The following TVP23C variants were observed in gnomAD, a reference collection of about 807,000 sequenced individuals.
TVP23C encodes the protein Golgi apparatus membrane protein TVP23 homolog C.
A neutral mutation model predicts 28.7 loss-of-function variants in TVP23C; 19 were observed. The observed-to-expected ratio is 0.66, with a 90% CI of 0.46 to 0.97. The LOEUF (loss-of-function observed/expected upper bound fraction) is 0.97. TVP23C is among the 50% of genes least tolerant of loss of function. TVP23C has a pLI of 0.00. For synonymous variants in TVP23C, 68 were observed against 81.7 expected (o/e 0.83, Z 0.90); for missense variants, 186 against 241.3 (o/e 0.77, Z 1.52).
intron 5 of TVP23C, among the ~76,000 whole-genome samples, chr17:15,528,009 A>G (rs1982797751): frequency 6.6e-6 from 1 of 152,182 alleles, no homozygotes; most frequent in Non-Finnish European, 1.5e-5. Context: ...CTTTTCTTTC[A>G]ATCTGATTCC....
At chr17:15,502,827 TCTC>T in exon 6 of TVP23C, 1 of 1,533,722 alleles carries the variant, frequency 6.5e-7, no homozygotes, top group Non-Finnish European at 8.8e-7. Context: ...TCTCTCTCTC[TCTC>T]TCCTGCGAGG....
intron 4 of TVP23C, among the ~76,000 whole-genome samples, chr17:15,546,467 T>C (rs1983651959): frequency 6.6e-6 from 1 of 151,984 alleles, no homozygotes; most frequent in Non-Finnish European, 1.5e-5. Flanking sequence ...TTAAAATAAC[T>C]TGTCAATACC....
chr17:15,534,862 G>A (rs912117150), downstream of TVP23C, among the ~76,000 whole-genome samples: 2 of 151,766 alleles, frequency 1.3e-5, no homozygotes, highest in African/African-American at 4.9e-5. Context: ...CAGCTACTTG[G>A]GAGACTGAGG....
rs1389269725 is a variant in TVP23C, at chr17:15,538,333, G to A, written c.*2079C>T. The A allele has an allele frequency of 1.2e-5, 11 of 946,794 alleles. No homozygotes were observed. Among genetic ancestry groups the A allele is most frequent in the Non-Finnish European group, 1.4e-5 (11 of 795,100 alleles). The allele number at this position is 946,794 out of a possible 1,614,324, so 58.6% of individuals were successfully genotyped here. On this transcript the variant is annotated 3_prime_UTR_variant, in exon 6 of 6. Coordinates refer to ENST00000518321, the MANE Select transcript of TVP23C (RefSeq NM_001135036.2). The stretch of plus-strand genomic sequence containing the variant: ...AGGCTGGGCGCCGTGGCTTACACCT[G>A]TAATCCCAGCACTTTGGGAGGCCGA...
At chr17:15,504,605 C>T (rs1383851756) in intron 5 of TVP23C, among the ~76,000 whole-genome samples, 2 of 152,056 alleles carry the variant, frequency 1.3e-5, no homozygotes, top group Non-Finnish European at 2.9e-5. Flanking sequence ...TGCTTTGGCC[C>T]AGGCTAGAGT....
chr17:15,519,736 C>T (rs941343531), intron 5 of TVP23C, among the ~76,000 whole-genome samples: 1 of 151,968 alleles, frequency 6.6e-6, no homozygotes, highest in Non-Finnish European at 1.5e-5. Context: ...TGGTGAAGCC[C>T]TGTATCTACT....
In TVP23C at chr17:15,545,901, T is replaced by C; in HGVS notation, c.346A>G (p.Asn116Asp). The C allele has an allele frequency of 2.5e-6, 4 of 1,613,852 alleles. No individual in the cohort carries two copies. The highest frequency in any genetic ancestry group is 1.7e-4 in the Middle Eastern group (1 of 6,060). Residue 116 changes from asparagine to aspartate, a missense_variant, in exon 5 of 6, where the codon AAT becomes GAT. Coordinates refer to ENST00000518321, the MANE Select transcript of TVP23C (RefSeq NM_001135036.2). ...FESRKESSQE[N>D]KTVSEAESRI... Reference sequence around the variant, plus strand: ...GATTCAGCCTCTGACACAGTTTTATTCTCTTGAGAGGACTCCTATAAAAGA... The same window carrying C: ...GATTCAGCCTCTGACACAGTTTTATCCTCTTGAGAGGACTCCTATAAAAGA...
intron 5 of TVP23C, chr17:15,506,950 A>T (rs892660497): frequency 1.7e-6 from 2 of 1,210,940 alleles, no homozygotes; most frequent in Non-Finnish European, 2.4e-6. Context: ...TGCAAACAAG[A>T]TTCCAAAGAC....
exon 6 of TVP23C, chr17:15,503,041 C>T (rs150726968): frequency 1.2e-6 from 2 of 1,613,942 alleles, no homozygotes; most frequent in Non-Finnish European, 1.7e-6. Flanking sequence ...TAAGGCGGGG[C>T]GCAGGTTTCC....
Position 15,539,189 on chromosome 17 carries a change from G to T in TVP23C, c.*1223C>A. ...CTACTGAATAAGGAGTCTGGAGGTG[G>T]AACCCAGCAATCTTGTGCCCTCTAG... On this transcript the variant is annotated 3_prime_UTR_variant, in exon 6 of 6. Coordinates refer to ENST00000518321, the MANE Select transcript of TVP23C (RefSeq NM_001135036.2). The T allele has an allele frequency of 1.0e-6, 1 of 961,652 alleles. No homozygotes were observed. Among genetic ancestry groups the T allele is most frequent in the Non-Finnish European group, 1.2e-6 (1 of 808,340 alleles). 59.6% of individuals were successfully genotyped at this position (961,652 alleles called of 1,614,324 possible).
intron 5 of TVP23C, chr17:15,516,781 G>C (rs1213087869): frequency 6.6e-6 from 1 of 152,190 alleles, no homozygotes; most frequent in African/African-American, 2.4e-5. Flanking sequence ...TGTGTTTGAG[G>C]TGATGGCCAC....
At chr17:15,516,369 A>G (rs2150832398) in intron 5 of TVP23C, 1 of 152,338 alleles carries the variant, frequency 6.6e-6, no homozygotes, top group South Asian at 2.1e-4. Context: ...GGCTGTCATA[A>G]CAAAGTTCCT....
chr17:15,507,416 C>T (rs1981804599), intron 5 of TVP23C: 1 of 570,178 alleles, frequency 1.8e-6, no homozygotes, highest in Non-Finnish European at 3.2e-6. Context: ...AGAGAGCACC[C>T]TCCACCCCAT....
At chr17:15,528,241 G>A (rs1056090410) in intron 5 of TVP23C, among the ~76,000 whole-genome samples, 5 of 152,072 alleles carry the variant, frequency 3.3e-5, no homozygotes, top group Non-Finnish European at 7.4e-5. Context: ...TTACTGTTAC[G>A]GATTTCTCTA....
chr17:15,521,503 CA>C (rs1183052963), intron 5 of TVP23C, among the ~76,000 whole-genome samples: 13 of 136,012 alleles, frequency 9.6e-5, no homozygotes, highest in Admixed American at 2.2e-4. Flanking sequence ...GACTCCGTCT[CA>C]AAAAAAAAAC....
At chr17:15,540,772 AGC>A in intron 5 of TVP23C, among the ~76,000 whole-genome samples, 1 of 152,198 alleles carries the variant, frequency 6.6e-6, no homozygotes, top group Non-Finnish European at 1.5e-5. Context: ...TCATTCACCC[AGC>A]AAATATTTAC....
intron 5 of TVP23C, among the ~76,000 whole-genome samples, chr17:15,524,274 TGA>T (rs1567634798): frequency 1.3e-5 from 2 of 152,156 alleles, no homozygotes; most frequent in African/African-American, 2.4e-5. Context: ...TATAATTCAT[TGA>T]GAGTACCATT....
At chr17:15,518,153 T>C (rs1236314410) in intron 5 of TVP23C, among the ~76,000 whole-genome samples, 1 of 117,568 alleles carries the variant, frequency 8.5e-6, no homozygotes, top group African/African-American at 3.4e-5. Context: ...AGGTGACAGA[T>C]CAAGACTCCA....
chr17:15,551,560 C>T (rs1288789731), intron 3 of TVP23C, among the ~76,000 whole-genome samples: 1 of 152,126 alleles, frequency 6.6e-6, no homozygotes, highest in East Asian at 1.9e-4. Flanking sequence ...TCATTAACAT[C>T]ACCTAGGGCA....
Sources: allele counts gnomAD v4.1 joint callset (sites outside exome capture counted in the v4.1 genomes callset), GRCh38; gene constraint gnomAD v4.1.1; transcripts MANE v1.5; gene names NCBI Gene and HGNC (gene_info 2026-07-23, HGNC 2026-07-21).